Variants in C12orf42 observed in about 807,000 individuals in gnomAD.
C12orf42 encodes the protein chromosome 12 open reading frame 42, also known as uncharacterized protein C12orf42.
In C12orf42, 25 loss-of-function variants were observed where a neutral mutation model predicts 21.6. The observed-to-expected ratio is 1.16, with a 90% CI of 0.84 to 1.62. C12orf42 has a LOEUF of 1.62. Among genes scored for constraint, C12orf42 ranks in the 40% most tolerant of loss-of-function variants. The pLI is 0.00. For synonymous variants in C12orf42, 174 were observed against 175.0 expected (o/e 0.99, Z 0.05); for missense variants, 483 against 459.3 (o/e 1.05, Z -0.47).
the C12orf42 span, among the ~76,000 whole-genome samples, chr12:103,055,647 G>A: frequency 5.3e-5 from 8 of 151,790 alleles, no homozygotes; most frequent in South Asian, 2.1e-4. Context: ...GACTTTATTA[G>A]TTTGAAATGT....
intron 2 of C12orf42, among the ~76,000 whole-genome samples, chr12:103,449,457 C>A (rs919966382): frequency 2.0e-5 from 3 of 151,720 alleles, no homozygotes; most frequent in African/African-American, 7.3e-5. Context: ...TTCATGTAAC[C>A]AAACACCCCC....
chr12:103,257,497 T>C (rs994308442), intron 10 of C12orf42, among the ~76,000 whole-genome samples: 1 of 151,842 alleles, frequency 6.6e-6, no homozygotes, highest in Non-Finnish European at 1.5e-5. Flanking sequence ...CATTAAAGTA[T>C]ACAAGACATG....
At chr12:103,481,218 C>A (rs1954446515) in intron 1 of C12orf42, among the ~76,000 whole-genome samples, 1 of 151,630 alleles carries the variant, frequency 6.6e-6, no homozygotes, top group Non-Finnish European at 1.5e-5. Context: ...ACAGTAAAAC[C>A]TATGCCATAG....
At chr12:103,179,052 A>T in the C12orf42 span, among the ~76,000 whole-genome samples, 1 of 152,200 alleles carries the variant, frequency 6.6e-6, no homozygotes, top group South Asian at 2.1e-4. Context: ...TGGGTGGATA[A>T]TCAAGGCCTG....
chr12:103,161,302 G>C, the C12orf42 span: 1 of 152,084 alleles, frequency 6.6e-6, no homozygotes, highest in African/African-American at 2.4e-5. Flanking sequence ...TCCTTTTAAA[G>C]TAATTTGAGG....
intron 3 of C12orf42, chr12:103,378,892 G>A (rs1390108411): frequency 6.6e-6 from 1 of 152,074 alleles, no homozygotes; most frequent in Non-Finnish European, 1.5e-5. Flanking sequence ...CAAATGAATG[G>A]AAAGAAAATA....
the C12orf42 span, among the ~76,000 whole-genome samples, chr12:103,194,509 T>C: frequency 2.6e-5 from 4 of 152,106 alleles, no homozygotes; most frequent in Non-Finnish European, 4.4e-5. Flanking sequence ...TTAGTTGCCT[T>C]TCCATACACT....
the C12orf42 span, among the ~76,000 whole-genome samples, chr12:103,223,257 G>A: frequency 6.6e-6 from 1 of 152,234 alleles, no homozygotes; most frequent in Middle Eastern, 3.4e-3. Context: ...TGGGATTAGG[G>A]GCGTCGTGGG....
the C12orf42 span, among the ~76,000 whole-genome samples, chr12:103,133,480 A>C: frequency 6.6e-6 from 1 of 152,148 alleles, no homozygotes; most frequent in East Asian, 1.9e-4. Flanking sequence ...CACTGCTGTC[A>C]CTACTGGGGC....
intron 4 of C12orf42, among the ~76,000 whole-genome samples, chr12:103,284,491 A>G (rs2036320985): frequency 6.6e-6 from 1 of 152,238 alleles, no homozygotes; most frequent in African/African-American, 2.4e-5. Context: ...AAGACAAGTC[A>G]TCATCAGAGA....
chr12:103,395,798 A>G (rs1228044093), intron 3 of C12orf42, among the ~76,000 whole-genome samples: 2 of 151,796 alleles, frequency 1.3e-5, no homozygotes, highest in East Asian at 3.9e-4. Context: ...ATAAAGCACT[A>G]TTTTATGCCA....
At chr12:103,155,891 A>G in the C12orf42 span, among the ~76,000 whole-genome samples, 2 of 151,152 alleles carry the variant, frequency 1.3e-5, no homozygotes, top group African/African-American at 2.4e-5. Flanking sequence ...ATGTGTGTAT[A>G]TATGCCTCCT....
At chr12:103,227,181 A>G in the C12orf42 span, among the ~76,000 whole-genome samples, 2 of 152,018 alleles carry the variant, frequency 1.3e-5, no homozygotes. Context: ...GCAAGCCTAG[A>G]GAAGAGAGTA....
chr12:103,326,205 C>T lies in C12orf42; in HGVS notation c.260-19860G>A, dbSNP rs1286041873. Reference sequence around the variant, plus strand: ...AGGATTCAGACACAAGGTGATTGGGCTTCAGAACCAATATTCTTTCACCAT... The same window carrying T: ...AGGATTCAGACACAAGGTGATTGGGTTTCAGAACCAATATTCTTTCACCAT... On this transcript the variant is annotated intron_variant, in intron 4 of 5. Transcript: ENST00000548883. Among the ~76,000 whole-genome samples, 11 of 152,238 alleles carry T rather than the reference C, an allele frequency of 7.2e-5. No individual in the cohort carries two copies. In the East Asian group the frequency reaches 2.1e-3, roughly 29 times the overall value.
chr12:103,091,990 G>C, the C12orf42 span, among the ~76,000 whole-genome samples: 1 of 152,328 alleles, frequency 6.6e-6, no homozygotes, highest in East Asian at 1.9e-4. Flanking sequence ...AGATGCTGTG[G>C]TGGTAACTGA....
chr12:103,054,725 T>A, the C12orf42 span, among the ~76,000 whole-genome samples: 4 of 151,938 alleles, frequency 2.6e-5, no homozygotes, highest in Admixed American at 2.6e-4. Flanking sequence ...CTGTAGATGT[T>A]CTTTATCAAG....
chr12:103,215,942 G>A, the C12orf42 span, among the ~76,000 whole-genome samples: 1 of 152,160 alleles, frequency 6.6e-6, no homozygotes, highest in Non-Finnish European at 1.5e-5. Flanking sequence ...TCTCGGAGAG[G>A]AGAAAATAGA....
chr12:103,428,513 G>C (rs1039954720), intron 2 of C12orf42, among the ~76,000 whole-genome samples: 1 of 152,104 alleles, frequency 6.6e-6, no homozygotes, highest in Non-Finnish European at 1.5e-5. Flanking sequence ...GGACCAGAAG[G>C]ATTCACAGCC....
the C12orf42 span, among the ~76,000 whole-genome samples, chr12:103,078,318 G>T: frequency 3.9e-5 from 6 of 152,104 alleles, no homozygotes; most frequent in African/African-American, 1.4e-4. Flanking sequence ...CCAGCAAGTG[G>T]GATTCAAAGC....
Sources: allele counts gnomAD v4.1 joint callset (sites outside exome capture counted in the v4.1 genomes callset), GRCh38; gene constraint gnomAD v4.1.1; transcripts MANE v1.5; gene names NCBI Gene and HGNC (gene_info 2026-07-23, HGNC 2026-07-21).